Variants in ARHGAP11A observed in about 807,000 individuals in gnomAD.
The protein encoded by ARHGAP11A is Rho GTPase activating protein 11A.
In ARHGAP11A, 36 loss-of-function variants were observed where a neutral mutation model predicts 60.5. The observed-to-expected ratio is 0.59, with a 90% CI of 0.46 to 0.79. The LOEUF (loss-of-function observed/expected upper bound fraction) is 0.79, where lower values mean the gene tolerates loss of function less well. ARHGAP11A is among the 30% of genes least tolerant of loss of function. The pLI is 0.00. For synonymous variants in ARHGAP11A, 362 were observed against 415.5 expected (o/e 0.87, Z 1.57); for missense variants, 1,071 against 1,199.2 (o/e 0.89, Z 1.58).
In ARHGAP11A at chr15:32,625,128, A is replaced by G. The variant is rs963858568; in HGVS notation, c.600A>G (p.Ala200=). The change falls in exon 5 of 12, where the codon GCA becomes GCG. Residue 200 remains alanine, a synonymous_variant. Transcript: ENST00000361627. The stretch of plus-strand genomic sequence containing the variant: ...GCAGCAATCTTGCAGTAATATTTGC[A>G]CCGAATCTTCTTCAGACAAGTGAAG... ...MDSSNLAVIF[A]PNLLQTSEGH... 1 of 1,613,840 alleles carries G rather than the reference A, an allele frequency of 6.2e-7. No individual in the cohort carries two copies. Among genetic ancestry groups the G allele is most frequent in the African/African-American group, 1.3e-5 (1 of 74,928 alleles).
Position 32,635,758 on chromosome 15 carries a change from C to CTTT in ARHGAP11A, c.1345-11_1345-9dup. On this transcript the variant is annotated intron_variant, in intron 10 of 11. Coordinates refer to ENST00000361627, the MANE Select transcript of ARHGAP11A (RefSeq NM_014783.6). ...AACTAGGCTTATTTCTTAACTAAAA[C>CTTT]TTTTTTTTTTCTGTACAGAATGGAT... is the stretch of plus-strand genomic sequence containing the variant. The CTTT allele has an allele frequency of 2.2e-6, 3 of 1,371,130 alleles. No homozygotes were observed. The highest frequency in any genetic ancestry group is 1.6e-5 in the South Asian group (1 of 64,104). The allele number at this position is 1,371,130 out of a possible 1,614,324, so 84.9% of individuals were successfully genotyped here.
At chr15:32,631,981 A>G (rs2053597788) in intron 8 of ARHGAP11A, among the ~76,000 whole-genome samples, 1 of 152,198 alleles carries the variant, frequency 6.6e-6, no homozygotes, top group Non-Finnish European at 1.5e-5. Context: ...GGCCGGACAC[A>G]TTTTTAAAGT....
At chr15:32,625,884 A>C (rs1221148030) in intron 6 of ARHGAP11A, among the ~76,000 whole-genome samples, 1 of 152,250 alleles carries the variant, frequency 6.6e-6, no homozygotes, top group Non-Finnish European at 1.5e-5. Flanking sequence ...GGACTTGTCA[A>C]AGAGGAGCCA....
chr15:32,637,179 A>G lies in ARHGAP11A; in HGVS notation c.2406A>G (p.Thr802=), dbSNP rs1472679484. Residue 802 remains threonine (T), a synonymous_variant, in exon 12 of 12, where the codon ACA becomes ACG. Coordinates refer to ENST00000361627, the MANE Select transcript of ARHGAP11A (RefSeq NM_014783.6). ...CAGTTTCTGAAAGTTCACAAATGAC[A>G]GAACATAGAAAGGTTTCTGATCACA... The part of the protein sequence containing the change: ...EKTVSESSQM[T]EHRKVSDHIQ... The G allele has an allele frequency of 6.2e-7, 1 of 1,614,216 alleles. No homozygotes were observed. The highest frequency in any genetic ancestry group is 1.7e-5 in the Admixed American group (1 of 60,024).
At chr15:32,627,331 C>T (rs754356697) in intron 6 of ARHGAP11A, among the ~76,000 whole-genome samples, 6 of 151,948 alleles carry the variant, frequency 3.9e-5, no homozygotes, top group African/African-American at 7.3e-5. Flanking sequence ...CCTAGATACT[C>T]AGGCTTTAAC....
intron 1 of ARHGAP11A, among the ~76,000 whole-genome samples, chr15:32,618,758 A>ACCCCC (rs57091917): frequency 2.6e-5 from 3 of 117,440 alleles, no homozygotes; most frequent in Admixed American, 1.8e-4. Flanking sequence ...ACACGGTGAA[A>ACCCCC]CCCCCCCCCC....
At position 32,636,538 on chromosome 15, in the gene ARHGAP11A, A is replaced by C. The variant is rs2053718487; in HGVS notation, c.1765A>C (p.Asn589His). The change falls in exon 12 of 12, where the codon AAT becomes CAT. Residue 589 changes from asparagine to histidine, a missense_variant. Transcript: ENST00000361627. ...AAGTAGCCCTCTTAGCGGGGATGAA[A>C]ATAACATGACCAAAGAGACTTTGGT... ...ITSSPLSGDE[N>H]NMTKETLVKV... The C allele has an allele frequency of 6.2e-7, 1 of 1,614,136 alleles. No homozygotes were observed. The highest frequency in any genetic ancestry group is 2.2e-5 in the East Asian group (1 of 44,866).
chr15:32,625,912 T>A (rs892388735), intron 6 of ARHGAP11A, among the ~76,000 whole-genome samples: 2 of 152,190 alleles, frequency 1.3e-5, no homozygotes, highest in Non-Finnish European at 2.9e-5. Flanking sequence ...CCTTCTTGAA[T>A]AATGGATAGA....
chr15:32,625,072 C>T lies in ARHGAP11A; in HGVS notation c.552-8C>T. The T allele has an allele frequency of 6.2e-7, 1 of 1,613,456 alleles. No individual in the cohort carries two copies. Among genetic ancestry groups the T allele is most frequent in the Non-Finnish European group, 8.5e-7 (1 of 1,179,676 alleles). ...GGCTCCATCTAATAAAGCGTTTATT[C>T]ACTTAAGATCCAGTGAGAATAAGAT... On this transcript the variant is annotated splice_region_variant and splice_polypyrimidine_tract_variant and intron_variant, in intron 4 of 11. Transcript: ENST00000361627.
At position 32,637,994 on chromosome 15, in the gene ARHGAP11A, A is replaced by G. The variant is rs553082660; in HGVS notation, c.*149A>G. The G allele has an allele frequency of 2.9e-6, 2 of 686,564 alleles. No homozygotes were observed. The highest frequency in any genetic ancestry group is 3.7e-5 in the African/African-American group (2 of 54,660). 42.5% of individuals were successfully genotyped at this position (686,564 alleles called of 1,614,324 possible). The stretch of plus-strand genomic sequence containing the variant: ...AATGTTTCATTTTTTTCACTGTACA[A>G]GCAACTTAGATTTTTATTTGTACAA... On this transcript the variant is annotated 3_prime_UTR_variant, in exon 12 of 12. Transcript: ENST00000361627.
chr15:32,625,626 T>C lies in ARHGAP11A; in HGVS notation c.855T>C (p.Ser285=), dbSNP rs1487008466. ...AATATAAGAGAAAGAGAAGACAAAG[T>C]GTAGGAGGTAAGTGGCGGTCCCATT... The part of the protein sequence containing the change: ...PGEYKRKRRQ[S]VGDFVSGALN... The change falls in exon 6 of 12, where the codon AGT becomes AGC. Residue 285 remains serine, a synonymous_variant. Coordinates refer to ENST00000361627, the MANE Select transcript of ARHGAP11A (RefSeq NM_014783.6). 1.2e-6 allele frequency: 2 copies of C among 1,613,828 alleles called. No homozygotes were observed. The highest frequency in any genetic ancestry group is 1.1e-5 in the South Asian group (1 of 91,060).
At chr15:32,619,328 C>A (rs908611516) in intron 1 of ARHGAP11A, among the ~76,000 whole-genome samples, 4 of 152,150 alleles carry the variant, frequency 2.6e-5, no homozygotes, top group Non-Finnish European at 4.4e-5. Context: ...CTGTGGAAAG[C>A]GACACATTTT....
chr15:32,632,918 AT>A (rs2053616414), intron 8 of ARHGAP11A, 60 bp from the exon 9 acceptor site: 4 of 1,467,890 alleles, frequency 2.7e-6, no homozygotes, highest in South Asian at 1.3e-5. Context: ...TGCTATTACT[AT>A]TTTATACTTT....
chr15:32,636,987 A>G lies in ARHGAP11A; in HGVS notation c.2214A>G (p.Lys738=). 1 of 1,610,468 alleles carries G rather than the reference A, an allele frequency of 6.2e-7. No individual in the cohort carries two copies. The part of the protein sequence containing the change: ...SPKDKLNNKL[K]ENENMMEGNL... ...AGGATAAACTAAATAATAAATTAAAAGAGAATGAGAATATGATGGAAGGTA... is the reference window on the plus strand; with the variant it reads ...AGGATAAACTAAATAATAAATTAAAGGAGAATGAGAATATGATGGAAGGTA... Residue 738 remains lysine, a synonymous_variant, in exon 12 of 12, where the codon AAA becomes AAG. Transcript: ENST00000361627.
At chr15:32,617,471 CTTTTTTTT>C (rs1168851603) in intron 1 of ARHGAP11A, among the ~76,000 whole-genome samples, 3 of 102,010 alleles carry the variant, frequency 2.9e-5, no homozygotes, top group South Asian at 3.1e-4. Context: ...TTTTCTTTTC[CTTTTTTTT>C]TTTTTTTTTT....
chr15:32,628,579 C>T (rs1025038622), intron 6 of ARHGAP11A, 149 bp from the exon 7 acceptor site: 8 of 563,456 alleles, frequency 1.4e-5, no homozygotes, highest in Admixed American at 7.8e-5. Flanking sequence ...TAGTATTTTT[C>T]CTATTTTGAA....
rs1379197498 is a variant in ARHGAP11A, at chr15:32,633,034, C to G, written c.1161C>G (p.Leu387=). Residue 387 remains leucine, a synonymous_variant, in exon 9 of 12, where the codon CTC becomes CTG. Coordinates refer to ENST00000361627, the MANE Select transcript of ARHGAP11A (RefSeq NM_014783.6). ...CTCAGAGTTCACTCTCTCCTGTACT[C>G]ATTGGTGGAAACCATTTGATCACTG... is the stretch of plus-strand genomic sequence containing the variant. ...GSSQSSLSPV[L]IGGNHLITAG... 3 of 1,614,130 alleles carry G rather than the reference C, an allele frequency of 1.9e-6. No individual in the cohort carries two copies. The highest frequency in any genetic ancestry group is 2.5e-6 in the Non-Finnish European group (3 of 1,179,994).
chr15:32,629,044 C>T (rs924472208), intron 7 of ARHGAP11A, among the ~76,000 whole-genome samples: 1 of 152,104 alleles, frequency 6.6e-6, no homozygotes, highest in Admixed American at 6.5e-5. Flanking sequence ...TCTTCTTAAT[C>T]ATGCTTTTCT....
Position 32,628,724 on chromosome 15 carries a change from T to C in ARHGAP11A, c.863-4T>C, listed in dbSNP as rs750587096. 2.6e-6 allele frequency: 4 copies of C among 1,564,920 alleles called. No homozygotes were observed. The highest frequency in any genetic ancestry group is 4.4e-5 in the Admixed American group (2 of 45,330). On this transcript the variant is annotated splice_region_variant and splice_polypyrimidine_tract_variant and intron_variant, in intron 6 of 11. Transcript: ENST00000361627. ...GTTGTAATTGCTTATGCCTTGCATT[T>C]CAGATTTTGTTAGTGGAGCACTAAA... is the stretch of plus-strand genomic sequence containing the variant.
Sources: allele counts gnomAD v4.1 joint callset (sites outside exome capture counted in the v4.1 genomes callset), GRCh38; gene constraint gnomAD v4.1.1; transcripts MANE v1.5; gene names NCBI Gene and HGNC (gene_info 2026-07-23, HGNC 2026-07-21).